Variants in RPS6KA5 observed in about 807,000 individuals in gnomAD.
RPS6KA5 encodes ribosomal protein S6 kinase A5, also known as ribosomal protein S6 kinase alpha-5.
Under a neutral mutation model 85.5 loss-of-function variants are expected in RPS6KA5, and 27 were observed. The observed-to-expected ratio is 0.32, with a 90% CI of 0.23 to 0.44. The LOEUF is 0.44. Ranked by LOEUF, RPS6KA5 falls within the 20% of genes least tolerant of loss-of-function variation. The pLI is 1.00. For synonymous variants in RPS6KA5, 334 were observed against 348.2 expected, an observed-to-expected ratio of 0.96 and a Z score of 0.46; for missense variants, 811 against 980.9, an observed-to-expected ratio of 0.83 and a Z score of 2.31.
intron 1 of RPS6KA5, among the ~76,000 whole-genome samples, chr14:91,004,504 C>T (rs978782730): frequency 6.6e-6 from 1 of 152,088 alleles, no homozygotes; most frequent in African/African-American, 2.4e-5. Context: ...CTTGTCTTTG[C>T]TCAAAGGAAA....
intron 5 of RPS6KA5, among the ~76,000 whole-genome samples, chr14:90,925,941 C>CAAAAAAAAAAAAAAAAAAAA (rs71117389): frequency 2.7e-5 from 2 of 73,524 alleles, no homozygotes; most frequent in Non-Finnish European, 5.0e-5. Context: ...GACCCTGACT[C>CAAAAAAAAAAAAAAAAAAAA]AAAAAAAAAA....
chr14:90,945,226 TG>T (rs1289123975), intron 4 of RPS6KA5, among the ~76,000 whole-genome samples: 1 of 152,200 alleles, frequency 6.6e-6, no homozygotes, highest in Admixed American at 6.5e-5. Flanking sequence ...CACTCCAGCC[TG>T]GGCAACAGAG....
rs145430577 is a variant in RPS6KA5 at position 90,976,185 on chromosome 14, G to A, written c.394+2121C>T. Among the ~76,000 whole-genome samples the A allele has an allele frequency of 3.1e-3, 391 of 126,740 alleles. 4 individuals are homozygous for A. Among genetic ancestry groups the A allele is most frequent in the African/African-American group, 0.011 (381 of 34,138 alleles). The allele number at this position is 126,740 out of a possible 152,430, so 83.1% of individuals were successfully genotyped here. ...TAAATAATTTTAAAAAGCATATTGA[G>A]TATAGTTAAGAGAACAGAAAAAAAA... On this transcript the variant is annotated intron_variant, in intron 3 of 16. Coordinates refer to ENST00000614987, the MANE Select transcript of RPS6KA5 (RefSeq NM_004755.4).
rs1403541699 is a variant in RPS6KA5 at position 90,987,698 on chromosome 14, GCCACAA to G, written c.176-9180_176-9175del. Among the ~76,000 whole-genome samples, 334 of 137,206 alleles carry G rather than the reference GCCACAA, an allele frequency of 2.4e-3. 1 individual carries two copies. The highest frequency in any genetic ancestry group is 9.7e-3 in the African/African-American group (317 of 32,574). 90.0% of individuals were successfully genotyped at this position (137,206 alleles called of 152,430 possible). ...TGTTGATTAGATGACAGCAGCAGCA[GCCACAA>G]CAACAACAACAACAACAACAACAAA... On this transcript the variant is annotated intron_variant, in intron 2 of 16. Transcript: ENST00000614987.
chr14:90,993,372 G>A lies in RPS6KA5; in HGVS notation c.175+7716C>T, dbSNP rs534733901. Among the ~76,000 whole-genome samples, 23 of 152,232 alleles carry A rather than the reference G, an allele frequency of 1.5e-4. No individual in the cohort carries two copies. In the East Asian group the frequency reaches 3.7e-3, roughly 24 times the overall value. ...GGAGAATCACTTGAACCCAGGAGGC[G>A]GAGGTTACAGTGAGCTAAGATCGTG... On this transcript the variant is annotated intron_variant, in intron 2 of 16. Transcript: ENST00000614987.
At chr14:91,000,127 C>G (rs1001130179) in intron 2 of RPS6KA5, among the ~76,000 whole-genome samples, 2 of 152,138 alleles carry the variant, frequency 1.3e-5, no homozygotes, top group Non-Finnish European at 2.9e-5. Context: ...TTTCTGCATA[C>G]AAATATACAC....
chr14:91,047,445 A>G (rs947401427), intron 1 of RPS6KA5, among the ~76,000 whole-genome samples: 3 of 152,230 alleles, frequency 2.0e-5, no homozygotes, highest in Non-Finnish European at 4.4e-5. Context: ...AAGATCAGAA[A>G]GGAATGTCTC....
At position 91,047,386 on chromosome 14, in the gene RPS6KA5, A is replaced by G. The variant is rs1335046273; in HGVS notation, c.103+12946T>C. ...CAGCCACCCACTTCAGAGCACTCCTATGAAAAACAGAACAGCTGGTCAAAA... is the reference window on the plus strand; with the variant it reads ...CAGCCACCCACTTCAGAGCACTCCTGTGAAAAACAGAACAGCTGGTCAAAA... On this transcript the variant is annotated intron_variant, in intron 1 of 16. Coordinates refer to ENST00000614987, the MANE Select transcript of RPS6KA5 (RefSeq NM_004755.4). Among the ~76,000 whole-genome samples, 7 of 152,188 alleles carry G rather than the reference A, an allele frequency of 4.6e-5. 1 individual carries two copies. The highest frequency in any genetic ancestry group is 3.3e-4 in the Admixed American group (5 of 15,278).
At chr14:90,935,132 C>A (rs59645093) in intron 5 of RPS6KA5, among the ~76,000 whole-genome samples, 15,551 of 152,076 alleles carry the variant, frequency 0.1, 1,122 homozygotes, top group African/African-American at 0.2. Context: ...AACTAAAAAG[C>A]TGGTTTAGGG....
chr14:90,936,866 C>G (rs569816213), intron 5 of RPS6KA5, among the ~76,000 whole-genome samples: 1 of 152,006 alleles, frequency 6.6e-6, no homozygotes, highest in African/African-American at 2.4e-5. Context: ...GATATACTGA[C>G]AGAAAGGCAG....
intron 9 of RPS6KA5, among the ~76,000 whole-genome samples, chr14:90,902,007 C>A (rs1170013611): frequency 6.7e-6 from 1 of 148,390 alleles, no homozygotes; most frequent in Non-Finnish European, 1.5e-5. Context: ...AAAGTAAGAC[C>A]CTGTTTCTAC....
chr14:90,883,662 A>G (rs904612703), intron 14 of RPS6KA5, among the ~76,000 whole-genome samples: 1 of 151,822 alleles, frequency 6.6e-6, no homozygotes, highest in Non-Finnish European at 1.5e-5. Flanking sequence ...TATTTTTTTG[A>G]GTGGGCCATA....
intron 5 of RPS6KA5, among the ~76,000 whole-genome samples, chr14:90,933,731 C>A (rs2037114407): frequency 6.6e-6 from 1 of 152,220 alleles, no homozygotes; most frequent in African/African-American, 2.4e-5. Flanking sequence ...ATAGTCCTTA[C>A]AATGATCTTC....
chr14:90,890,711 A>C, intron 13 of RPS6KA5, 33 bp from the exon 14 acceptor site: 1 of 1,563,220 alleles, frequency 6.4e-7, no homozygotes, highest in Non-Finnish European at 8.8e-7. Flanking sequence ...TTAGTTTCTC[A>C]CTAGGCATGT....
At position 90,990,125 on chromosome 14, in the gene RPS6KA5, T is replaced by A. The variant is rs750043195; in HGVS notation, c.175+10963A>T. On this transcript the variant is annotated intron_variant, in intron 2 of 16. Transcript: ENST00000614987. ...CAGAGGGTGGAAAAGTACACATAATTGTAGGCAAGTGAAGGAAAATAAAGT... is the reference window on the plus strand; with the variant it reads ...CAGAGGGTGGAAAAGTACACATAATAGTAGGCAAGTGAAGGAAAATAAAGT... Among the ~76,000 whole-genome samples, 5 of 152,112 alleles carry A rather than the reference T, an allele frequency of 3.3e-5. No individual in the cohort carries two copies. The Middle Eastern group carries it at 0.013, about 385-fold the overall frequency.
At position 90,936,537 on chromosome 14, in the gene RPS6KA5, C is replaced by G. The variant is rs987658016; in HGVS notation, c.618+6541G>C. On this transcript the variant is annotated intron_variant, in intron 5 of 16. Coordinates refer to ENST00000614987, the MANE Select transcript of RPS6KA5 (RefSeq NM_004755.4). ...CGATCTTGCCACGCTGGGTGACAGA[C>G]CAAGACCCCATCTTTTAAAAAAAAA... 2.0e-5 allele frequency among the ~76,000 whole-genome samples: 3 copies of G among 151,876 alleles called. No individual in the cohort carries two copies. The South Asian group carries it at 6.2e-4, about 32-fold the overall frequency.
intron 5 of RPS6KA5, among the ~76,000 whole-genome samples, chr14:90,931,665 T>C (rs150257261): frequency 2.6e-4 from 39 of 151,978 alleles, no homozygotes; most frequent in African/African-American, 9.4e-4. Flanking sequence ...GAAAAGAAAT[T>C]TACAAAACAT....
intron 2 of RPS6KA5, among the ~76,000 whole-genome samples, chr14:90,984,813 G>A (rs1448275158): frequency 1.3e-5 from 2 of 152,208 alleles, no homozygotes; most frequent in Admixed American, 6.5e-5. Context: ...ATGCTGCCAT[G>A]TCAGAAACCA....
intron 1 of RPS6KA5, among the ~76,000 whole-genome samples, chr14:91,050,476 T>C (rs1241221477): frequency 6.6e-6 from 1 of 152,262 alleles, no homozygotes; most frequent in African/African-American, 2.4e-5. Context: ...TCCCTCAGGC[T>C]GGAGTGCAGT....
Sources: gnomAD v4.1 joint callset for allele counts (sites outside exome capture counted in the v4.1 genomes callset) on GRCh38, gnomAD v4.1.1 for gene constraint, MANE v1.5 for transcripts, NCBI Gene and HGNC (gene_info 2026-07-23, HGNC 2026-07-21) for gene names.